LRRC49: variants seen among roughly 807,000 people sequenced by gnomAD.
The protein encoded by LRRC49 is leucine rich repeat containing 49.
Under a neutral mutation model 83.3 loss-of-function variants are expected in LRRC49, and 50 were observed. The ratio of observed to expected loss-of-function variants is 0.60; its 90% CI spans 0.48 to 0.76. The LOEUF is 0.76. LRRC49 is among the 30% of genes least tolerant of loss of function. The pLI, the probability that LRRC49 is intolerant of heterozygous loss-of-function variation, is 0.00. For synonymous variants in LRRC49, 286 were observed against 283.3 expected (o/e 1.01, Z -0.10); for missense variants, 704 against 809.1 (o/e 0.87, Z 1.58).
intron 7 of LRRC49, among the ~76,000 whole-genome samples, chr15:70,921,580 C>T (rs776934373): frequency 1.3e-5 from 2 of 152,146 alleles, no homozygotes; most frequent in East Asian, 1.9e-4. Flanking sequence ...ATGCACTGAC[C>T]CAGCATGGAG....
intron 11 of LRRC49, among the ~76,000 whole-genome samples, chr15:71,008,011 T>C (rs1275932403): frequency 2.0e-5 from 3 of 151,766 alleles, no homozygotes; most frequent in Non-Finnish European, 4.4e-5. Flanking sequence ...TAAACTGTAC[T>C]TTTTTCTAGT....
chr15:70,882,858 T>C (rs1348137341), intron 2 of LRRC49: 2 of 1,614,156 alleles, frequency 1.2e-6, no homozygotes, highest in East Asian at 2.2e-5. Flanking sequence ...CAGTATTAGA[T>C]GGATTATCAG....
intron 11 of LRRC49, among the ~76,000 whole-genome samples, chr15:70,987,243 C>T (rs889917627): frequency 1.8e-4 from 27 of 152,184 alleles, no homozygotes; most frequent in African/African-American, 4.8e-4. Flanking sequence ...TGGTAGAATT[C>T]GGCTGTGAAT....
At chr15:70,991,658 G>A (rs75464765) in intron 11 of LRRC49, among the ~76,000 whole-genome samples, 6,646 of 152,122 alleles carry the variant, frequency 0.044, 231 homozygotes, top group South Asian at 0.16. Flanking sequence ...TGATACTGAG[G>A]GCTGACTATA....
At chr15:70,897,363 T>A (rs973677821) in intron 3 of LRRC49, among the ~76,000 whole-genome samples, 2 of 152,314 alleles carry the variant, frequency 1.3e-5, no homozygotes, top group Admixed American at 1.3e-4. Flanking sequence ...AAAACCTAAT[T>A]GGTTTTTCAT....
chr15:70,988,724 C>T (rs1292543166), intron 11 of LRRC49, among the ~76,000 whole-genome samples: 2 of 152,016 alleles, frequency 1.3e-5, no homozygotes, highest in Non-Finnish European at 2.9e-5. Context: ...GCAGTTTCTT[C>T]CTAGTCTCGA....
chr15:70,889,186 T>C (rs1204422323), upstream of LRRC49, among the ~76,000 whole-genome samples: 1 of 152,174 alleles, frequency 6.6e-6, no homozygotes, highest in Non-Finnish European at 1.5e-5. Flanking sequence ...AAAACCCAAA[T>C]GTTCAACAAT....
chr15:70,963,563 A>G (rs930121573), intron 8 of LRRC49, among the ~76,000 whole-genome samples: 3 of 152,136 alleles, frequency 2.0e-5, no homozygotes, highest in South Asian at 4.1e-4. Context: ...GGCTTTAGCT[A>G]CTAAGAATAT....
chr15:70,954,933 G>A (rs541315403), intron 8 of LRRC49, among the ~76,000 whole-genome samples: 1 of 152,254 alleles, frequency 6.6e-6, no homozygotes, highest in Admixed American at 6.5e-5. Flanking sequence ...TCTGGCAGGG[G>A]CACTGAGGGT....
Position 70,925,167 on chromosome 15 carries a change from C to T in LRRC49, c.711+5974C>T, listed in dbSNP as rs183694906. 4.2e-3 allele frequency among the ~76,000 whole-genome samples: 646 copies of T among 152,070 alleles called. 1 individual carries two copies. Among genetic ancestry groups the T allele is most frequent in the Non-Finnish European group, 7.0e-3 (473 of 67,912 alleles). On this transcript the variant is annotated intron_variant, in intron 7 of 15. Transcript: ENST00000260382. ...ATTTCATTGCCTAAATATATGTGGA[C>T]TTGGTTATGCTGTTTGTACTATTGT...
chr15:70,853,924 GC>G, intron 1 of LRRC49: 1 of 1,407,682 alleles, frequency 7.1e-7, no homozygotes. Context: ...CGCTCGCGCT[GC>G]CCCAGCCGGG....
intron 7 of LRRC49, 75 bp downstream of exon 7, chr15:70,919,268 C>T: frequency 7.9e-7 from 1 of 1,271,398 alleles, no homozygotes; most frequent in South Asian, 1.6e-5. Flanking sequence ...TGTAATATGG[C>T]TTTCTGCAAA....
intron 14 of LRRC49, among the ~76,000 whole-genome samples, chr15:71,031,435 C>T (rs1416317888): frequency 1.3e-5 from 2 of 152,174 alleles, no homozygotes; most frequent in East Asian, 3.9e-4. Context: ...TCTGTTGGCC[C>T]CTGTTGGGAG....
In LRRC49 at chr15:70,947,022, T is replaced by A. The variant is rs373744122; in HGVS notation, c.773+10200T>A. On this transcript the variant is annotated intron_variant, in intron 8 of 15. Coordinates refer to ENST00000260382, the MANE Select transcript of LRRC49 (RefSeq NM_017691.5). ...AATATCCTGGGAAGCACTGAGTAAA[T>A]GTGAAATAAGATTAATAATATTTTT... 2.6e-5 allele frequency among the ~76,000 whole-genome samples: 4 copies of A among 152,252 alleles called. No homozygotes were observed. In the East Asian group the frequency reaches 7.7e-4, roughly 29 times the overall value.
At chr15:70,959,563 AAGGAAGGAAGGAAG>A in intron 8 of LRRC49, among the ~76,000 whole-genome samples, 1 of 134,254 alleles carries the variant, frequency 7.4e-6, no homozygotes, top group Admixed American at 7.4e-5. Flanking sequence ...GGAAGGAAGG[AAGGAAGGAAGGAAG>A]GAAGGAAGGA....
chr15:70,869,623 T>C (rs2032986612), intron 1 of LRRC49, among the ~76,000 whole-genome samples: 1 of 152,200 alleles, frequency 6.6e-6, no homozygotes, highest in Admixed American at 6.5e-5. Context: ...CAGCGATTAC[T>C]GTCAGTACAA....
At chr15:71,037,986 A>G (rs1203804074) in intron 15 of LRRC49, among the ~76,000 whole-genome samples, 1 of 152,158 alleles carries the variant, frequency 6.6e-6, no homozygotes, top group Admixed American at 6.5e-5. Context: ...CTCATAGGAA[A>G]GCTGAAGAAA....
At chr15:70,902,339 T>A (rs1446167080) in intron 4 of LRRC49, among the ~76,000 whole-genome samples, 1 of 152,096 alleles carries the variant, frequency 6.6e-6, no homozygotes, top group East Asian at 1.9e-4. Context: ...ACTCAGGCAA[T>A]TGTGAAGATG....
chr15:70,909,732 G>A (rs993704277), intron 5 of LRRC49, among the ~76,000 whole-genome samples: 10 of 151,876 alleles, frequency 6.6e-5, no homozygotes, highest in African/African-American at 2.4e-4. Context: ...CCAGCTACTC[G>A]AGAGGCTGAG....
Sources: allele counts gnomAD v4.1 joint callset (sites outside exome capture counted in the v4.1 genomes callset), GRCh38; gene constraint gnomAD v4.1.1; transcripts MANE v1.5; gene names NCBI Gene and HGNC (gene_info 2026-07-23, HGNC 2026-07-21).